RFX3: variants seen among roughly 807,000 people sequenced by gnomAD.
RFX3 encodes transcription factor RFX3.
In RFX3, 14 loss-of-function variants were observed where a neutral mutation model predicts 98.6. The ratio of observed to expected loss-of-function variants is 0.14; its 90% CI spans 0.09 to 0.22. RFX3 has a LOEUF of 0.22. Ranked by LOEUF, RFX3 falls within the 10% of genes least tolerant of loss-of-function variation. The probability of loss-of-function intolerance (pLI) is 1.00; values close to 1 mark genes in which losing one functional copy is unlikely to be tolerated. For missense variants in RFX3, 639 were observed against 926.9 expected (o/e 0.69, Z 4.03); for synonymous variants, 383 against 328.4 (o/e 1.17, Z -1.80).
intron 2 of RFX3, among the ~76,000 whole-genome samples, chr9:3,356,978 C>T (rs1204613472): frequency 6.7e-6 from 1 of 149,558 alleles, no homozygotes; most frequent in Non-Finnish European, 1.5e-5. Flanking sequence ...CACACGCACA[C>T]ACACACACAC....
intron 3 of RFX3, among the ~76,000 whole-genome samples, chr9:3,331,090 G>T (rs117667057): frequency 2.2e-3 from 341 of 152,200 alleles, no homozygotes; most frequent in Non-Finnish European, 4.2e-3. Flanking sequence ...TCACACTTAA[G>T]CTCCTCCTTT....
intron 4 of RFX3, among the ~76,000 whole-genome samples, chr9:3,306,752 A>G (rs1241308450): frequency 6.6e-6 from 1 of 152,002 alleles, no homozygotes; most frequent in African/African-American, 2.4e-5. Context: ...AAGTATAATA[A>G]TAATTAAAAA....
At chr9:3,446,099 T>C (rs1446544576) in intron 1 of RFX3, among the ~76,000 whole-genome samples, 1 of 152,016 alleles carries the variant, frequency 6.6e-6, no homozygotes, top group East Asian at 1.9e-4. Context: ...ATGCCTGATA[T>C]ATGAGAACAG....
At chr9:3,329,427 AAC>A (rs1491021951) in intron 4 of RFX3, among the ~76,000 whole-genome samples, 1,720 of 146,024 alleles carry the variant, frequency 0.012, 233 homozygotes, top group African/African-American at 0.043. Flanking sequence ...AAAAAAAAAA[AAC>A]AAAAAACCAC....
intron 4 of RFX3, among the ~76,000 whole-genome samples, chr9:3,317,473 A>T (rs202069071): frequency 9.2e-5 from 14 of 152,316 alleles, no homozygotes; most frequent in African/African-American, 2.6e-4. Flanking sequence ...GGACTTCATG[A>T]CTAAAACACC....
intron 1 of RFX3, among the ~76,000 whole-genome samples, chr9:3,462,224 C>T (rs998401241): frequency 7.2e-5 from 11 of 151,934 alleles, no homozygotes; most frequent in Non-Finnish European, 2.9e-5. Flanking sequence ...TACATATAAA[C>T]AGATAATGAC....
chr9:3,251,942 G>C (rs1197020611), intron 14 of RFX3, among the ~76,000 whole-genome samples: 1 of 151,818 alleles, frequency 6.6e-6, no homozygotes, highest in Non-Finnish European at 1.5e-5. Flanking sequence ...TCTGCCTCCC[G>C]GGTTCAAGCG....
chr9:3,270,780 A>T (rs558812359), intron 10 of RFX3: 33 of 683,326 alleles, frequency 4.8e-5, no homozygotes, highest in Non-Finnish European at 7.3e-5. Flanking sequence ...CATGAGGATG[A>T]AATAACTACC....
At chr9:3,417,136 T>C (rs1843054315) in intron 1 of RFX3, among the ~76,000 whole-genome samples, 1 of 152,042 alleles carries the variant, frequency 6.6e-6, no homozygotes, top group Non-Finnish European at 1.5e-5. Context: ...AGCCTGCCTA[T>C]TCATCAAGAG....
intron 2 of RFX3, among the ~76,000 whole-genome samples, chr9:3,353,317 T>C (rs1835378984): frequency 6.6e-6 from 1 of 152,004 alleles, no homozygotes; most frequent in East Asian, 1.9e-4. Context: ...CTGCACATTG[T>C]GCACATGTAC....
chr9:3,335,406 C>G (rs1013236720), intron 3 of RFX3, among the ~76,000 whole-genome samples: 1 of 152,064 alleles, frequency 6.6e-6, no homozygotes, highest in African/African-American at 2.4e-5. Context: ...ATCAGCTCAT[C>G]TTTTATATTG....
At chr9:3,522,556 C>CGTGTGTGT (rs111656079) in intron 1 of RFX3, among the ~76,000 whole-genome samples, 4 of 145,378 alleles carry the variant, frequency 2.8e-5, no homozygotes, top group African/African-American at 1.0e-4. Context: ...AGTGTGTGTG[C>CGTGTGTGT]GTGTGTGTGT....
At chr9:3,262,816 T>G in intron 13 of RFX3, 119 bp downstream of exon 13, 1 of 1,032,922 alleles carries the variant, frequency 9.7e-7, no homozygotes, top group Non-Finnish European at 1.4e-6. Flanking sequence ...CAGAACACTG[T>G]GAATATAGAT....
chr9:3,513,168 A>C (rs185535627), intron 1 of RFX3, among the ~76,000 whole-genome samples: 119 of 152,298 alleles, frequency 7.8e-4, no homozygotes, highest in Middle Eastern at 3.4e-3. Flanking sequence ...GCTAAAAGAC[A>C]AAATAAAAAA....
At chr9:3,273,725 C>G (rs1049182363) in intron 9 of RFX3, among the ~76,000 whole-genome samples, 1 of 151,652 alleles carries the variant, frequency 6.6e-6, no homozygotes, top group Non-Finnish European at 1.5e-5. Flanking sequence ...GTTAGTGGGG[C>G]GTGGTGGTGC....
chr9:3,272,459 A>C (rs549803655), intron 9 of RFX3, among the ~76,000 whole-genome samples: 1 of 152,348 alleles, frequency 6.6e-6, no homozygotes, highest in African/African-American at 2.4e-5. Flanking sequence ...TAAAAGTATA[A>C]AATGTTGCAA....
At chr9:3,516,539 G>T (rs1337837098) in intron 1 of RFX3, among the ~76,000 whole-genome samples, 1 of 152,086 alleles carries the variant, frequency 6.6e-6, no homozygotes. Flanking sequence ...TCCAGACCAG[G>T]GACCCCAAAG....
intron 14 of RFX3, among the ~76,000 whole-genome samples, chr9:3,252,438 G>T (rs372734457): frequency 3.0e-4 from 45 of 152,246 alleles, no homozygotes; most frequent in African/African-American, 1.1e-3. Flanking sequence ...TTAAGTTGGG[G>T]TATCTAGAAA....
intron 11 of RFX3, among the ~76,000 whole-genome samples, chr9:3,269,000 G>T (rs761995862): frequency 6.6e-6 from 1 of 151,850 alleles, no homozygotes; most frequent in Non-Finnish European, 1.5e-5. Context: ...AGAGCACAGG[G>T]AGCAAGAGAA....
Sources: allele counts gnomAD v4.1 joint callset (sites outside exome capture counted in the v4.1 genomes callset), GRCh38; gene constraint gnomAD v4.1.1; transcripts MANE v1.5; gene names NCBI Gene and HGNC (gene_info 2026-07-23, HGNC 2026-07-21).